The following TEN1 variants were observed in gnomAD, a reference collection of about 807,000 sequenced individuals.
TEN1 encodes the protein TEN1 subunit of CST complex.
TEN1 carries 6 observed loss-of-function variants against 9.3 expected under a neutral mutation model. The observed-to-expected ratio is 0.65, with a 90% CI of 0.35 to 1.27. TEN1 has a LOEUF of 1.27. TEN1 is among the 50% of genes most tolerant of loss of function. TEN1 has a pLI of 0.03. For missense variants in TEN1, 149 were observed against 158.2 expected (o/e 0.94, Z 0.31); for synonymous variants, 65 against 65.6 (o/e 0.99, Z 0.04).
At chr17:75,995,620 CCT>C (rs1460592274) in intron 3 of TEN1, among the ~76,000 whole-genome samples, 1 of 152,204 alleles carries the variant, frequency 6.6e-6, no homozygotes, top group Non-Finnish European at 1.5e-5. Context: ...CCGAGGGCCC[CCT>C]GTTCTGGAAC....
At chr17:75,988,705 C>A (rs1305680839) in intron 2 of TEN1, among the ~76,000 whole-genome samples, 3 of 151,670 alleles carry the variant, frequency 2.0e-5, no homozygotes, top group Non-Finnish European at 4.4e-5. Context: ...ACATGTAGAT[C>A]TATATCATCA....
chr17:76,000,395 G>A lies in TEN1; in HGVS notation c.*133G>A. On this transcript the variant is annotated 3_prime_UTR_variant, in exon 4 of 4. Coordinates refer to ENST00000397640, the MANE Select transcript of TEN1 (RefSeq NM_001113324.3). This position sits in a 1 kb window ranked among gnomAD's most constrained non-coding sequence, Gnocchi z 5.9. ...GCTCGAAAGCCGAGGGGCGGGTGAT[G>A]AATCCAGCCCCTTCCCCTACTTTGG... 1 of 1,281,560 alleles carries A rather than the reference G, an allele frequency of 7.8e-7. No individual in the cohort carries two copies. The highest frequency in any genetic ancestry group is 1.6e-5 in the South Asian group (1 of 63,448). 79.4% of individuals were successfully genotyped at this position (1,281,560 alleles called of 1,614,324 possible).
At chr17:75,989,666 G>T (rs2066173408) in intron 2 of TEN1, among the ~76,000 whole-genome samples, 1 of 152,066 alleles carries the variant, frequency 6.6e-6, no homozygotes, top group African/African-American at 2.4e-5. Context: ...GTCTGCCTCA[G>T]CCTACCAAAG....
intron 3 of TEN1, among the ~76,000 whole-genome samples, 191 bp from the exon 4 acceptor site, chr17:75,999,950 A>G (rs2144369836): frequency 6.6e-6 from 1 of 152,160 alleles, no homozygotes; most frequent in Non-Finnish European, 1.5e-5. Flanking sequence ...ACACGGGCCG[A>G]CTGTGCATGA....
intron 3 of TEN1, among the ~76,000 whole-genome samples, chr17:75,993,919 C>T (rs1304081061): frequency 2.0e-5 from 3 of 151,900 alleles, no homozygotes; most frequent in Admixed American, 6.6e-5. Context: ...TCGCTTGAAC[C>T]CGGGAGGCGG....
intron 1 of TEN1, among the ~76,000 whole-genome samples, chr17:75,984,293 T>C (rs2066139177): frequency 6.6e-6 from 1 of 152,230 alleles, no homozygotes; most frequent in South Asian, 2.1e-4. Context: ...TTTTTGCTCA[T>C]TGTTGGCCAT....
At chr17:75,980,450 C>T (rs1358070438) in intron 1 of TEN1, among the ~76,000 whole-genome samples, 5 of 149,078 alleles carry the variant, frequency 3.4e-5, no homozygotes, top group South Asian at 2.1e-4. Flanking sequence ...TTTCTTGAGA[C>T]GGAGTCTCGC....
intron 2 of TEN1, 123 bp from the exon 3 acceptor site, chr17:75,991,343 G>A (rs2066184510): frequency 2.0e-6 from 2 of 995,128 alleles, no homozygotes; most frequent in Admixed American, 4.6e-5. Flanking sequence ...GCTGCAATTT[G>A]CATTTCTGTG....
intron 3 of TEN1, among the ~76,000 whole-genome samples, chr17:75,999,823 G>A (rs1226140196): frequency 3.3e-5 from 5 of 152,038 alleles, no homozygotes; most frequent in Middle Eastern, 3.2e-3. Flanking sequence ...CAGTCTCTTG[G>A]ATTTTTAAAA....
At position 76,000,558 on chromosome 17, in the gene TEN1, A is replaced by C; in HGVS notation, c.*296A>C. ...TGGAGGGTTCCAGAAGGTCCTGGTG[A>C]ATAAAGGCCCAGGGGGCGTGCTCTT... On this transcript the variant is annotated 3_prime_UTR_variant, in exon 4 of 4. Coordinates refer to ENST00000397640, the MANE Select transcript of TEN1 (RefSeq NM_001113324.3). This position sits in a 1 kb window ranked among gnomAD's most constrained non-coding sequence, Gnocchi z 5.9. 1 of 337,930 alleles carries C rather than the reference A, an allele frequency of 3.0e-6. No individual in the cohort carries two copies. Among genetic ancestry groups the C allele is most frequent in the South Asian group, 4.7e-5 (1 of 21,120 alleles). 20.9% of individuals were successfully genotyped at this position (337,930 alleles called of 1,614,324 possible).
intron 1 of TEN1, among the ~76,000 whole-genome samples, chr17:75,980,296 G>C (rs1290161688): frequency 1.3e-5 from 2 of 152,068 alleles, no homozygotes; most frequent in South Asian, 4.1e-4. Flanking sequence ...CCAAGATTGT[G>C]ACATTGCACT....
chr17:75,986,896 T>G (rs913895679), intron 2 of TEN1, among the ~76,000 whole-genome samples: 1 of 152,108 alleles, frequency 6.6e-6, no homozygotes, highest in Non-Finnish European at 1.5e-5. Context: ...TATATGTGGG[T>G]GGGTATGGAG....
Position 75,991,647 on chromosome 17 carries a change from T to A in TEN1, c.250+24T>A. On this transcript the variant is annotated intron_variant, in intron 3 of 3. Coordinates refer to ENST00000397640, the MANE Select transcript of TEN1 (RefSeq NM_001113324.3). ...GGGTGAGCTGCAGCCTCAGATCCCCTTTCTCATCCTGGGGCCTGAGCTGGG... is the reference window on the plus strand; with the variant it reads ...GGGTGAGCTGCAGCCTCAGATCCCCATTCTCATCCTGGGGCCTGAGCTGGG... 1.9e-6 allele frequency: 3 copies of A among 1,548,462 alleles called. No individual in the cohort carries two copies. In the South Asian group the frequency reaches 3.6e-5, roughly 18 times the overall value.
At chr17:75,986,097 T>C in intron 1 of TEN1, 90 bp from the exon 2 acceptor site, 1 of 1,028,112 alleles carries the variant, frequency 9.7e-7, no homozygotes, top group Non-Finnish European at 1.4e-6. Flanking sequence ...TTCAAGATGC[T>C]GTTGGTCTCA....
At chr17:75,980,016 A>G (rs537249208) in intron 1 of TEN1, among the ~76,000 whole-genome samples, 2 of 152,026 alleles carry the variant, frequency 1.3e-5, no homozygotes, top group Admixed American at 6.6e-5. Flanking sequence ...ACCGTCATCA[A>G]AGTGGGAAAT....
intron 2 of TEN1, among the ~76,000 whole-genome samples, chr17:75,987,967 C>G (rs1204932954): frequency 7.0e-6 from 1 of 142,808 alleles, no homozygotes; most frequent in African/African-American, 2.6e-5. Flanking sequence ...AGCCTGGGTG[C>G]GGTGGTTCAC....
chr17:75,994,570 C>T (rs2066207696), intron 3 of TEN1, among the ~76,000 whole-genome samples: 1 of 151,708 alleles, frequency 6.6e-6, no homozygotes, highest in African/African-American at 2.4e-5. Flanking sequence ...CTCCGCCTCC[C>T]AGGTTCAAGC....
chr17:75,991,396 T>C, intron 2 of TEN1, 70 bp from the exon 3 acceptor site: 1 of 1,498,702 alleles, frequency 6.7e-7, no homozygotes, highest in Non-Finnish European at 9.0e-7. Context: ...TTCTTGGCCA[T>C]GCAAACCTTT....
chr17:75,979,261 C>A lies in TEN1; in HGVS notation c.-257C>A, dbSNP rs1367703503. On this transcript the variant is annotated 5_prime_UTR_variant, in exon 1 of 4. Transcript: ENST00000397640. ...TGGCCCTTTGGCGCGTGAGTGACAGCGGCCCAGACAGAGGGGGCGATGTCC... is the reference window on the plus strand; with the variant it reads ...TGGCCCTTTGGCGCGTGAGTGACAGAGGCCCAGACAGAGGGGGCGATGTCC... 1.0e-5 allele frequency: 8 copies of A among 772,542 alleles called. No homozygotes were observed. Among genetic ancestry groups the A allele is most frequent in the Non-Finnish European group, 1.5e-5 (7 of 471,292 alleles). 47.9% of individuals were successfully genotyped at this position (772,542 alleles called of 1,614,324 possible). A position where few individuals can be genotyped will look rare whatever the true frequency, so the allele number is the denominator to read the frequency against.
Sources: gnomAD v4.1 joint callset for allele counts (sites outside exome capture counted in the v4.1 genomes callset) on GRCh38, gnomAD v4.1.1 for gene constraint, Gnocchi (gnomAD v3.1) non-coding constraint, MANE v1.5 for transcripts, NCBI Gene and HGNC (gene_info 2026-07-23, HGNC 2026-07-21) for gene names.